GMDS: variants seen among roughly 807,000 people sequenced by gnomAD.
GMDS encodes the protein GDP-mannose 4,6-dehydratase, also known as GDP-mannose 4,6 dehydratase.
In GMDS, 20 loss-of-function variants were observed where a neutral mutation model predicts 49.9. The ratio of observed to expected loss-of-function variants is 0.40; its 90% CI spans 0.28 to 0.58. The LOEUF (loss-of-function observed/expected upper bound fraction) is 0.58, where lower values mean the gene tolerates loss of function less well. GMDS is among the 20% of genes least tolerant of loss of function. The probability of loss-of-function intolerance (pLI) is 0.42; values close to 1 mark genes in which losing one functional copy is unlikely to be tolerated. For missense variants in GMDS, 362 were observed against 481.4 expected (o/e 0.75, Z 2.32); for synonymous variants, 177 against 178.6 (o/e 0.99, Z 0.07).
chr6:2,111,323 C>T (rs1302344284), intron 4 of GMDS, among the ~76,000 whole-genome samples: 1 of 152,190 alleles, frequency 6.6e-6, no homozygotes, highest in Non-Finnish European at 1.5e-5. Flanking sequence ...CTAGGTTTAA[C>T]TTCTTTTAAT....
At chr6:2,034,941 C>A (rs9391942) in intron 4 of GMDS, among the ~76,000 whole-genome samples, 2 of 151,894 alleles carry the variant, frequency 1.3e-5, no homozygotes, top group African/African-American at 4.8e-5. Flanking sequence ...AGAAACCCAG[C>A]CTGAGGATGG....
At chr6:2,147,619 T>G (rs1776627896) in intron 1 of GMDS, among the ~76,000 whole-genome samples, 1 of 151,860 alleles carries the variant, frequency 6.6e-6, no homozygotes, top group African/African-American at 2.4e-5. Context: ...TAGAGTCCCC[T>G]ACATTTATCA....
At chr6:1,814,183 CAAG>C (rs957349714) in intron 7 of GMDS, among the ~76,000 whole-genome samples, 1 of 152,192 alleles carries the variant, frequency 6.6e-6, no homozygotes, top group African/African-American at 2.4e-5. Context: ...AATGTGGCTA[CAAG>C]AAGGTTTTTA....
chr6:1,856,811 A>G (rs1757956139), intron 7 of GMDS, among the ~76,000 whole-genome samples: 7 of 152,226 alleles, frequency 4.6e-5, no homozygotes, highest in Admixed American at 4.6e-4. Context: ...TGTTCCCTAC[A>G]GGGCCATGTG....
chr6:1,763,080 G>A (rs1052942019), intron 7 of GMDS, among the ~76,000 whole-genome samples: 7 of 152,106 alleles, frequency 4.6e-5, no homozygotes, highest in Admixed American at 1.3e-4. Flanking sequence ...CTCAATCTTC[G>A]GTTCCCATTT....
At chr6:1,953,224 A>C (rs1386129401) in intron 6 of GMDS, among the ~76,000 whole-genome samples, 1 of 152,134 alleles carries the variant, frequency 6.6e-6, no homozygotes. Context: ...CGTGGACCCT[A>C]GGAAGTCTCA....
intron 1 of GMDS, among the ~76,000 whole-genome samples, chr6:2,157,720 C>T (rs1448820448): frequency 6.6e-6 from 1 of 152,202 alleles, no homozygotes; most frequent in Non-Finnish European, 1.5e-5. Context: ...AATGGGAACA[C>T]TTGCAAAAGT....
chr6:2,014,990 G>A (rs1040007266), intron 4 of GMDS, among the ~76,000 whole-genome samples: 1 of 152,008 alleles, frequency 6.6e-6, no homozygotes, highest in Admixed American at 6.6e-5. Context: ...ATGATAAAGG[G>A]GTCATTTCTC....
intron 2 of GMDS, among the ~76,000 whole-genome samples, chr6:2,119,697 G>A (rs1376468791): frequency 6.6e-6 from 1 of 152,072 alleles, no homozygotes; most frequent in East Asian, 1.9e-4. Context: ...GAGGTGTTAG[G>A]AACCAAACTG....
chr6:1,848,154 A>G (rs6596857), intron 7 of GMDS, among the ~76,000 whole-genome samples: 146,639 of 152,248 alleles, frequency 0.96, 70,808 homozygotes, highest in Non-Finnish European at 1. Flanking sequence ...AGAGTGAAGC[A>G]TGGACTTCTC....
chr6:2,013,994 G>C (rs538959537), intron 4 of GMDS, among the ~76,000 whole-genome samples: 32 of 141,958 alleles, frequency 2.3e-4, no homozygotes, highest in Admixed American at 2.0e-3. Flanking sequence ...AAGAGAAAGA[G>C]AGTATTTTGA....
intron 1 of GMDS, among the ~76,000 whole-genome samples, chr6:2,133,649 T>C (rs1249407456): frequency 6.6e-6 from 1 of 152,170 alleles, no homozygotes; most frequent in Non-Finnish European, 1.5e-5. Context: ...ACAGGAAACA[T>C]TGTAAATCAC....
At chr6:1,744,804 C>T (rs938161704) in intron 7 of GMDS, among the ~76,000 whole-genome samples, 1 of 152,218 alleles carries the variant, frequency 6.6e-6, no homozygotes, top group East Asian at 1.9e-4. Flanking sequence ...GAATGCTGAC[C>T]TCTCTCTAGG....
chr6:2,115,379 T>C (rs1425102300), intron 4 of GMDS, among the ~76,000 whole-genome samples: 2 of 152,212 alleles, frequency 1.3e-5, no homozygotes, highest in Non-Finnish European at 1.5e-5. Flanking sequence ...CAGCCAGTAA[T>C]TTAGCCGCTA....
At chr6:1,913,299 T>C (rs942148739) in intron 7 of GMDS, among the ~76,000 whole-genome samples, 5 of 145,850 alleles carry the variant, frequency 3.4e-5, no homozygotes, top group Non-Finnish European at 5.9e-5. Flanking sequence ...GAGAATGGCG[T>C]GAACCCGGGA....
rs564289415 is a variant in GMDS, at chr6:2,067,512, C to T, written c.345+48259G>A. Among the ~76,000 whole-genome samples the T allele has an allele frequency of 6.8e-3, 1,039 of 151,894 alleles. 11 individuals carry two copies. Among genetic ancestry groups the T allele is most frequent in the African/African-American group, 0.024 (982 of 41,372 alleles). On this transcript the variant is annotated intron_variant, in intron 4 of 10. Transcript: ENST00000380815. ...GAAAGGATCAACAAAATTGATAAAC[C>T]GCTAGCAAGACTAATAAAGAAAAAA...
At chr6:2,034,907 C>T (rs1201163309) in intron 4 of GMDS, among the ~76,000 whole-genome samples, 3 of 152,108 alleles carry the variant, frequency 2.0e-5, no homozygotes, top group Non-Finnish European at 4.4e-5. Context: ...CAAGGTCAAG[C>T]AACCACTTTT....
At chr6:1,807,908 T>C (rs965905455) in intron 7 of GMDS, among the ~76,000 whole-genome samples, 1 of 152,098 alleles carries the variant, frequency 6.6e-6, no homozygotes, top group Non-Finnish European at 1.5e-5. Context: ...TCATGACAGA[T>C]AAAAACTGCT....
At chr6:2,241,040 GA>G (rs1781593082) in intron 1 of GMDS, among the ~76,000 whole-genome samples, 1 of 152,182 alleles carries the variant, frequency 6.6e-6, no homozygotes, top group Admixed American at 6.5e-5. Flanking sequence ...AGAACAATGG[GA>G]AAAGACCCTG....
Sources: gnomAD v4.1 joint callset for allele counts (sites outside exome capture counted in the v4.1 genomes callset) on GRCh38, gnomAD v4.1.1 for gene constraint, MANE v1.5 for transcripts, NCBI Gene and HGNC (gene_info 2026-07-23, HGNC 2026-07-21) for gene names.